Variants in RAB3IP observed in about 807,000 individuals in gnomAD.
The protein encoded by RAB3IP is rab-3A-interacting protein.
A neutral mutation model predicts 59.1 loss-of-function variants in RAB3IP; 36 were observed. That is an observed-to-expected ratio of 0.61 (90% CI 0.47 to 0.80). The LOEUF (loss-of-function observed/expected upper bound fraction) is 0.80, where lower values mean the gene tolerates loss of function less well. Ranked by LOEUF, RAB3IP falls within the 30% of genes least tolerant of loss-of-function variation. The pLI is 0.00. For missense variants in RAB3IP, 511 were observed against 536.0 expected (o/e 0.95, Z 0.46); for synonymous variants, 207 against 191.2 (o/e 1.08, Z -0.68).
Position 69,815,388 on chromosome 12 carries a change from T to C in RAB3IP, c.1325T>C (p.Met442Thr), listed in dbSNP as rs745381717. Residue 442 changes from methionine (M) to threonine (T), a missense_variant, in exon 11 of 11, where the codon ATG becomes ACG. Transcript: ENST00000247833. The stretch of plus-strand genomic sequence containing the variant: ...GTTGATCAGATGTTTTGGGAGGTTA[T>C]GCAGTTGAGAAAAGAGATGTCATTG... ...QDVDQMFWEV[M>T]QLRKEMSLAK... 1.9e-6 allele frequency: 3 copies of C among 1,612,022 alleles called. No homozygotes were observed. Among genetic ancestry groups the C allele is most frequent in the Non-Finnish European group, 1.7e-6 (2 of 1,178,166 alleles).
At chr12:69,812,697 T>A in intron 8 of RAB3IP, 81 bp from the exon 9 acceptor site, 1 of 886,084 alleles carries the variant, frequency 1.1e-6, no homozygotes, top group South Asian at 1.6e-5. Context: ...GTTATCTAAC[T>A]GAATGAATAG....
chr12:69,765,514 T>C (rs4485150), intron 3 of RAB3IP, among the ~76,000 whole-genome samples: 32,350 of 151,976 alleles, frequency 0.21, 4,178 homozygotes, highest in Middle Eastern at 0.35. Context: ...AATTAACTTT[T>C]TGATGTGCTG....
intron 3 of RAB3IP, chr12:69,779,188 C>T (rs976281105): frequency 2.8e-5 from 4 of 142,254 alleles, no homozygotes; most frequent in African/African-American, 5.3e-5. Context: ...CCAGGTGCGT[C>T]CGTCACCCCT....
At chr12:69,760,729 T>C (rs1243813837) in intron 3 of RAB3IP, among the ~76,000 whole-genome samples, 4 of 152,118 alleles carry the variant, frequency 2.6e-5, no homozygotes, top group African/African-American at 9.7e-5. Flanking sequence ...GTTGCTTCAG[T>C]GTTTTCAAGC....
At chr12:69,797,764 A>G (rs1194167523) in intron 6 of RAB3IP, among the ~76,000 whole-genome samples, 3 of 151,598 alleles carry the variant, frequency 2.0e-5, no homozygotes, top group African/African-American at 7.3e-5. Context: ...ATGAGTGAGA[A>G]TATATGGTGT....
chr12:69,794,347 T>C (rs563702216), intron 4 of RAB3IP, 90 bp from the exon 5 acceptor site: 2 of 1,021,262 alleles, frequency 2.0e-6, no homozygotes, highest in Non-Finnish European at 3.0e-6. Flanking sequence ...TTTGGTAGTA[T>C]ATCTTTGCTT....
intron 6 of RAB3IP, among the ~76,000 whole-genome samples, chr12:69,799,793 G>A (rs1465495933): frequency 9.2e-5 from 14 of 151,960 alleles, no homozygotes; most frequent in Non-Finnish European, 1.0e-4. Context: ...CCTTTTTATT[G>A]TTTTCAGAAA....
chr12:69,772,267 A>C (rs779762436), intron 3 of RAB3IP, among the ~76,000 whole-genome samples: 1 of 152,082 alleles, frequency 6.6e-6, no homozygotes, highest in Non-Finnish European at 1.5e-5. Context: ...TTTGCATTGA[A>C]TGTTTTCCCT....
rs751894152 is a variant in RAB3IP at position 69,755,610 on chromosome 12, G to A, written c.202G>A (p.Val68Met). 7 of 1,613,568 alleles carry A rather than the reference G, an allele frequency of 4.3e-6. No individual in the cohort carries two copies. The highest frequency in any genetic ancestry group is 1.1e-5 in the South Asian group (1 of 91,066). ...LDVSELPTQP[V>M]YSSPRRLNCA... ...TGTTTCTGAACTTCCTACACAACCC[G>A]TGTATTCATCCCCCAGACGTTTAAA... is the stretch of plus-strand genomic sequence containing the variant. The change falls in exon 2 of 11, where the codon GTG (valine) becomes ATG (methionine). Residue 68 changes from valine to methionine, a missense_variant. Val to Met is a conservative substitution (Grantham distance 21). Coordinates refer to ENST00000247833, the MANE Select transcript of RAB3IP (RefSeq NM_022456.5).
At chr12:69,788,973 A>C (rs1380653734) in intron 4 of RAB3IP, among the ~76,000 whole-genome samples, 1 of 152,132 alleles carries the variant, frequency 6.6e-6, no homozygotes, top group African/African-American at 2.4e-5. Flanking sequence ...ATCAAAAGGG[A>C]ACTTGAAAAG....
intron 10 of RAB3IP, among the ~76,000 whole-genome samples, chr12:69,814,582 G>A (rs1187889225): frequency 6.6e-6 from 1 of 151,692 alleles, no homozygotes; most frequent in Non-Finnish European, 1.5e-5. Context: ...TTACTCATTA[G>A]ATACCTGTAG....
At chr12:69,783,506 C>T (rs1020697508) in intron 3 of RAB3IP, among the ~76,000 whole-genome samples, 2 of 152,072 alleles carry the variant, frequency 1.3e-5, no homozygotes, top group African/African-American at 4.8e-5. Context: ...AGACTCCGTC[C>T]TTCTGGTGAG....
chr12:69,800,342 T>G lies in RAB3IP; in HGVS notation c.1017+5T>G. On this transcript the variant is annotated splice_donor_5th_base_variant and intron_variant, in intron 7 of 10. Transcript: ENST00000247833. ...TTAACATTCTCAAAAAGTGAGGTAA[T>G]TTTTTTTCATTTTAGTAGGAATTCA... 1 of 1,507,342 alleles carries G rather than the reference T, an allele frequency of 6.6e-7. No individual in the cohort carries two copies. The highest frequency in any genetic ancestry group is 9.0e-7 in the Non-Finnish European group (1 of 1,111,130). 93.4% of individuals were successfully genotyped at this position (1,507,342 alleles called of 1,614,324 possible). A position where few individuals can be genotyped will look rare whatever the true frequency, so the allele number is the denominator to read the frequency against.
intron 8 of RAB3IP, among the ~76,000 whole-genome samples, chr12:69,804,937 C>T (rs1480589426): frequency 1.3e-5 from 2 of 152,166 alleles, no homozygotes; most frequent in Non-Finnish European, 2.9e-5. Flanking sequence ...CGTGATGCCT[C>T]CAGCTTTGTT....
intron 3 of RAB3IP, 49 bp from the exon 4 acceptor site, chr12:69,784,671 C>A: frequency 9.4e-7 from 1 of 1,068,648 alleles, no homozygotes; most frequent in Non-Finnish European, 1.4e-6. Context: ...TCTGCTGAAT[C>A]TAACTTCAAA....
chr12:69,768,409 G>C (rs1402692319), intron 3 of RAB3IP, among the ~76,000 whole-genome samples: 1 of 152,218 alleles, frequency 6.6e-6, no homozygotes, highest in Non-Finnish European at 1.5e-5. Flanking sequence ...GCAGGCTGCT[G>C]GTCAAGAAAA....
chr12:69,780,314 A>C (rs1406426163), intron 3 of RAB3IP, among the ~76,000 whole-genome samples: 5 of 152,138 alleles, frequency 3.3e-5, no homozygotes, highest in Non-Finnish European at 5.9e-5. Flanking sequence ...GAGGCTGGTG[A>C]GCTTGCACCA....
intron 1 of RAB3IP, among the ~76,000 whole-genome samples, chr12:69,743,501 T>C (rs935720854): frequency 2.6e-5 from 4 of 152,206 alleles, no homozygotes; most frequent in African/African-American, 9.6e-5. Flanking sequence ...CTTTATAAAA[T>C]CATACATTTA....
intron 3 of RAB3IP, among the ~76,000 whole-genome samples, chr12:69,762,528 C>A (rs146032775): frequency 6.6e-6 from 1 of 152,058 alleles, no homozygotes; most frequent in African/African-American, 2.4e-5. Flanking sequence ...GAGGCCGAGG[C>A]GGGCAGATCA....
Sources: allele counts gnomAD v4.1 joint callset (sites outside exome capture counted in the v4.1 genomes callset), GRCh38; gene constraint gnomAD v4.1.1; transcripts MANE v1.5; gene names NCBI Gene and HGNC (gene_info 2026-07-23, HGNC 2026-07-21).